The following RELN variants were observed in gnomAD, a reference collection of about 807,000 sequenced individuals.
RELN encodes the protein reelin.
In RELN, 108 loss-of-function variants were observed where a neutral mutation model predicts 427.6. That is an observed-to-expected ratio of 0.25 (90% CI 0.22 to 0.30). The LOEUF (loss-of-function observed/expected upper bound fraction) is 0.30. Ranked by LOEUF, RELN falls within the 10% of genes least tolerant of loss-of-function variation. The probability of loss-of-function intolerance (pLI) is 1.00; values close to 1 mark genes in which losing one functional copy is unlikely to be tolerated. For synonymous variants in RELN, 1,524 were observed against 1,513.4 expected (o/e 1.01, Z -0.16); for missense variants, 3,715 against 4,302.8 (o/e 0.86, Z 3.82).
rs552425148 is a variant in RELN at position 103,573,782 on chromosome 7, G to T, written c.4511+310C>A. ...GGTTGGAAAAATCTTTGTTTCACAC[G>T]GCACATGCTAAGAATAATACCAAAT... On this transcript the variant is annotated intron_variant, in intron 30 of 64. Transcript: ENST00000428762. This position sits in a 1 kb window ranked among gnomAD's most constrained non-coding sequence, Gnocchi z 4.4. 6.6e-6 allele frequency among the ~76,000 whole-genome samples: 1 copy of T among 152,072 alleles called. No homozygotes were observed. Among genetic ancestry groups the T allele is most frequent in the African/African-American group, 2.4e-5 (1 of 41,396 alleles).
chr7:103,652,145 T>C (rs1179152007), intron 14 of RELN, among the ~76,000 whole-genome samples: 1 of 151,942 alleles, frequency 6.6e-6, no homozygotes, highest in Non-Finnish European at 1.5e-5. Flanking sequence ...GAGCAACACT[T>C]GGGCAAGTGA....
chr7:103,869,879 T>A (rs1221302895), intron 2 of RELN, among the ~76,000 whole-genome samples: 1 of 152,160 alleles, frequency 6.6e-6, no homozygotes, highest in Non-Finnish European at 1.5e-5. Flanking sequence ...CTATTCTTCA[T>A]ATTTTGGACC....
Position 103,650,285 on chromosome 7 carries a change from G to A in RELN, c.1991C>T (p.Ala664Val). 6.3e-7 allele frequency: 1 copy of A among 1,596,314 alleles called. No homozygotes were observed. The highest frequency in any genetic ancestry group is 8.6e-7 in the Non-Finnish European group (1 of 1,164,138). ...GCATAAACACTAACCATTATCAATTGCCCACATGTTTCCAAGGATTGGTCC... is the reference window on the plus strand; with the variant it reads ...GCATAAACACTAACCATTATCAATTACCCACATGTTTCCAAGGATTGGTCC... ...QTGPILGNMWAIDNVYIGPSC... is the reference protein window; with the variant it reads ...QTGPILGNMWVIDNVYIGPSC... The change falls in exon 16 of 65, where the codon GCA becomes GTA. Residue 664 changes from alanine (A) to valine (V), a missense_variant. By Grantham distance (64) the Ala-to-Val change is moderately conservative. Transcript: ENST00000428762.
intron 22 of RELN, among the ~76,000 whole-genome samples, chr7:103,608,961 GC>G (rs1562920316): frequency 6.6e-6 from 1 of 152,152 alleles, no homozygotes; most frequent in Non-Finnish European, 1.5e-5. Flanking sequence ...GGTGGGTCAT[GC>G]CTATAATTTC....
At chr7:103,902,626 A>T (rs1795108039) in intron 2 of RELN, among the ~76,000 whole-genome samples, 1 of 152,144 alleles carries the variant, frequency 6.6e-6, no homozygotes. Flanking sequence ...ACTAACAAGT[A>T]TCTTTCCATT....
chr7:103,868,710 A>T (rs1025762695), intron 2 of RELN, among the ~76,000 whole-genome samples: 7 of 152,074 alleles, frequency 4.6e-5, no homozygotes, highest in African/African-American at 1.7e-4. Context: ...TAGGTCTTTC[A>T]AACGCTTTGC....
intron 57 of RELN, among the ~76,000 whole-genome samples, chr7:103,493,213 G>C (rs991729796): frequency 6.6e-6 from 1 of 152,180 alleles, no homozygotes; most frequent in Non-Finnish European, 1.5e-5. Context: ...GGGCCAGAAA[G>C]GAGGTGGTGA....
chr7:103,665,859 T>C (rs573553714), intron 11 of RELN, among the ~76,000 whole-genome samples: 1 of 151,502 alleles, frequency 6.6e-6, no homozygotes, highest in Non-Finnish European at 1.5e-5. Flanking sequence ...TGAAATGTCA[T>C]ATTCTATTCT....
In RELN at chr7:103,491,949, A is replaced by G. The variant is rs1828687122; in HGVS notation, c.9443+4T>C. On this transcript the variant is annotated splice_donor_region_variant and intron_variant, in intron 58 of 64. Transcript: ENST00000428762. ...AAGATAATGTTAAAAATTATTTCAC[A>G]AACCTTGCATCCTTAGTGTATTCCA... 1 of 1,610,190 alleles carries G rather than the reference A, an allele frequency of 6.2e-7. No individual in the cohort carries two copies. The highest frequency in any genetic ancestry group is 1.3e-5 in the African/African-American group (1 of 74,802).
intron 15 of RELN, 70 bp downstream of exon 15, chr7:103,651,591 G>A: frequency 2.7e-6 from 4 of 1,482,180 alleles, no homozygotes; most frequent in Non-Finnish European, 3.8e-6. Flanking sequence ...CTAATTTCAG[G>A]ATAACTCATT....
intron 4 of RELN, among the ~76,000 whole-genome samples, chr7:103,771,589 A>G (rs1041950277): frequency 1.3e-5 from 2 of 152,142 alleles, no homozygotes; most frequent in African/African-American, 4.8e-5. Context: ...GCAATTGATT[A>G]TCTTTTCTTC....
intron 5 of RELN, among the ~76,000 whole-genome samples, 169 bp from the exon 6 acceptor site, chr7:103,749,673 G>T (rs1379147541): frequency 1.3e-5 from 2 of 152,160 alleles, no homozygotes; most frequent in East Asian, 3.9e-4. Context: ...AGGGACAAGG[G>T]TAAAAAGCTC....
intron 51 of RELN, among the ~76,000 whole-genome samples, chr7:103,506,035 T>G (rs1584245049): frequency 1.3e-5 from 2 of 152,042 alleles, no homozygotes; most frequent in South Asian, 4.2e-4. Context: ...AAGACAACAT[T>G]AGAGAAAAAA....
At chr7:103,943,530 C>T (rs1796157949) in intron 1 of RELN, among the ~76,000 whole-genome samples, 1 of 151,974 alleles carries the variant, frequency 6.6e-6, no homozygotes, top group Admixed American at 6.6e-5. Flanking sequence ...GGTGAGTTCA[C>T]AAAACTTGAA....
chr7:103,485,975 T>C (rs1828425180), intron 61 of RELN, among the ~76,000 whole-genome samples: 1 of 152,190 alleles, frequency 6.6e-6, no homozygotes, highest in South Asian at 2.1e-4. Flanking sequence ...ACTCAGCCAC[T>C]GTGGGTGAAG....
intron 2 of RELN, among the ~76,000 whole-genome samples, chr7:103,842,385 T>A (rs1793573440): frequency 6.6e-6 from 1 of 152,192 alleles, no homozygotes; most frequent in Non-Finnish European, 1.5e-5. Context: ...AATTCAAATA[T>A]GAATAACTGT....
chr7:103,687,436 T>A (rs756851744), intron 10 of RELN, among the ~76,000 whole-genome samples: 55 of 152,154 alleles, frequency 3.6e-4, no homozygotes, highest in Non-Finnish European at 7.6e-4. Context: ...ATTTGGCATC[T>A]CCGAGCCTCT....
chr7:103,886,456 C>A (rs1381737901), intron 2 of RELN, among the ~76,000 whole-genome samples: 1 of 152,166 alleles, frequency 6.6e-6, no homozygotes, highest in Non-Finnish European at 1.5e-5. Flanking sequence ...TCTGTACTAA[C>A]AAAAGGTAAC....
intron 6 of RELN, among the ~76,000 whole-genome samples, chr7:103,747,322 C>T (rs1434940005): frequency 6.6e-6 from 1 of 151,894 alleles, no homozygotes; most frequent in South Asian, 2.1e-4. Context: ...TAAATGACAA[C>T]TTAACGGGTG....
Sources: gnomAD v4.1 joint callset for allele counts (sites outside exome capture counted in the v4.1 genomes callset) on GRCh38, gnomAD v4.1.1 for gene constraint, Gnocchi (gnomAD v3.1) non-coding constraint, MANE v1.5 for transcripts, NCBI Gene and HGNC (gene_info 2026-07-23, HGNC 2026-07-21) for gene names.